Variants in EPHA7 observed in about 807,000 individuals in gnomAD.
EPHA7 encodes ephrin type-A receptor 7.
A neutral mutation model predicts 112.6 loss-of-function variants in EPHA7; 25 were observed. That is an observed-to-expected ratio of 0.22 (90% CI 0.16 to 0.31). The LOEUF is 0.31. EPHA7 is among the 10% of genes least tolerant of loss of function. The pLI is 1.00. For missense variants in EPHA7, 962 were observed against 1,212.6 expected (o/e 0.79, Z 3.07); for synonymous variants, 437 against 406.5 (o/e 1.07, Z -0.90).
At chr6:93,267,278 G>A (rs1356823922) in intron 7 of EPHA7, among the ~76,000 whole-genome samples, 1 of 151,706 alleles carries the variant, frequency 6.6e-6, no homozygotes, top group East Asian at 1.9e-4. Flanking sequence ...GACTTTCCAT[G>A]ATAGGGGCTC....
chr6:93,372,984 C>G (rs183400772), intron 3 of EPHA7, among the ~76,000 whole-genome samples: 3 of 152,052 alleles, frequency 2.0e-5, no homozygotes, highest in African/African-American at 7.2e-5. Flanking sequence ...GTACTTCCTT[C>G]TGAATTATGG....
At chr6:93,268,558 G>C (rs1771058607) in intron 7 of EPHA7, among the ~76,000 whole-genome samples, 1 of 151,702 alleles carries the variant, frequency 6.6e-6, no homozygotes, top group Non-Finnish European at 1.5e-5. Flanking sequence ...GCAAGGAGAA[G>C]AGATAACACC....
intron 3 of EPHA7, among the ~76,000 whole-genome samples, chr6:93,406,679 G>C (rs183218047): frequency 3.2e-4 from 49 of 151,974 alleles, no homozygotes; most frequent in African/African-American, 1.2e-3. Flanking sequence ...GAATGTGACT[G>C]TTCAGTATAA....
At chr6:93,354,474 T>C (rs904025493) in intron 5 of EPHA7, among the ~76,000 whole-genome samples, 2 of 151,910 alleles carry the variant, frequency 1.3e-5, no homozygotes, top group Non-Finnish European at 2.9e-5. Context: ...TAGGTATTCT[T>C]TTTATCATTT....
At position 93,410,392 on chromosome 6, in the gene EPHA7, C is replaced by A; in HGVS notation, c.832+109G>T. On this transcript the variant is annotated intron_variant, in intron 3 of 16. Transcript: ENST00000369303. The surrounding 1 kb of genome is among the most constrained non-coding windows in gnomAD (Gnocchi z 4.0). ...TTTGTTTAAGATCTACTGAATTGCGCTTCTGGTACAGAGCAGATTCACGTA... is the reference window on the plus strand; with the variant it reads ...TTTGTTTAAGATCTACTGAATTGCGATTCTGGTACAGAGCAGATTCACGTA... 9.7e-7 allele frequency: 1 copy of A among 1,029,290 alleles called. No homozygotes were observed. Among genetic ancestry groups the A allele is most frequent in the Non-Finnish European group, 1.4e-6 (1 of 703,000 alleles). The allele number at this position is 1,029,290 out of a possible 1,614,324, so 63.8% of individuals were successfully genotyped here.
intron 3 of EPHA7, among the ~76,000 whole-genome samples, chr6:93,400,083 C>G (rs1022700854): frequency 1.5e-4 from 22 of 151,688 alleles, no homozygotes; most frequent in African/African-American, 5.3e-4. Flanking sequence ...CATCTCTCTT[C>G]GAGGATAAAA....
At chr6:93,311,686 C>T (rs1013415575) in intron 5 of EPHA7, among the ~76,000 whole-genome samples, 1 of 152,126 alleles carries the variant, frequency 6.6e-6, no homozygotes. Flanking sequence ...TCATGAACGT[C>T]CTTAATGGCA....
intron 5 of EPHA7, among the ~76,000 whole-genome samples, chr6:93,334,600 C>T (rs1774765116): frequency 6.6e-6 from 1 of 152,012 alleles, no homozygotes; most frequent in Admixed American, 6.6e-5. Flanking sequence ...AAAACACTTT[C>T]CAACTACTAG....
intron 5 of EPHA7, among the ~76,000 whole-genome samples, chr6:93,309,587 A>G (rs1773427792): frequency 6.6e-6 from 1 of 152,134 alleles, no homozygotes; most frequent in Non-Finnish European, 1.5e-5. Flanking sequence ...TCTTTATTAC[A>G]TATGCTATTG....
rs1309944126 is a variant in EPHA7 at position 93,246,882 on chromosome 6, T to G, written c.2636A>C (p.Glu879Ala). The G allele has an allele frequency of 6.2e-7, 1 of 1,614,012 alleles. No homozygotes were observed. Among genetic ancestry groups the G allele is most frequent in the Non-Finnish European group, 8.5e-7 (1 of 1,179,870 alleles). ...MLDCWQKERAERPKFEQIVGI... is the reference protein window; with the variant it reads ...MLDCWQKERAARPKFEQIVGI... ...AACTATCTGTTCAAATTTTGGCCTT[T>G]CAGCACGCTCCTTTTGCCAACAATC... The change falls in exon 15 of 17, where the codon GAA (glutamate) becomes GCA (alanine). Residue 879 changes from glutamate to alanine, a missense_variant. Coordinates refer to ENST00000369303, the MANE Select transcript of EPHA7 (RefSeq NM_004440.4).
chr6:93,271,647 G>T (rs1025141187), intron 6 of EPHA7, among the ~76,000 whole-genome samples: 1 of 151,748 alleles, frequency 6.6e-6, no homozygotes, highest in African/African-American at 2.4e-5. Flanking sequence ...TGTATCGCTA[G>T]TTACTAAAAT....
chr6:93,370,930 G>A (rs1776758232), intron 3 of EPHA7, among the ~76,000 whole-genome samples: 1 of 151,468 alleles, frequency 6.6e-6, no homozygotes, highest in African/African-American at 2.4e-5. Flanking sequence ...TGGATCACGA[G>A]GTCAGGAGAT....
chr6:93,374,666 C>T (rs760893234), intron 3 of EPHA7, among the ~76,000 whole-genome samples: 30 of 152,166 alleles, frequency 2.0e-4, no homozygotes, highest in Non-Finnish European at 4.4e-5. Flanking sequence ...ACTAGTCGCT[C>T]AGACTGCTGG....
chr6:93,388,045 T>C (rs1006646637), intron 3 of EPHA7, among the ~76,000 whole-genome samples: 1 of 152,054 alleles, frequency 6.6e-6, no homozygotes, highest in Non-Finnish European at 1.5e-5. Flanking sequence ...GAGGAAAATA[T>C]AAAGAACATA....
intron 5 of EPHA7, among the ~76,000 whole-genome samples, chr6:93,324,308 C>T (rs762693932): frequency 2.1e-4 from 32 of 151,332 alleles, no homozygotes; most frequent in Admixed American, 5.9e-4. Context: ...TCTGATTATA[C>T]AAGAGTGGCA....
At chr6:93,354,777 G>A (rs1283498851) in intron 5 of EPHA7, among the ~76,000 whole-genome samples, 1 of 151,964 alleles carries the variant, frequency 6.6e-6, no homozygotes, top group Non-Finnish European at 1.5e-5. Flanking sequence ...AGCCTGTATA[G>A]TATTAACTTG....
At chr6:93,300,228 G>T (rs1254235010) in intron 5 of EPHA7, among the ~76,000 whole-genome samples, 1 of 152,106 alleles carries the variant, frequency 6.6e-6, no homozygotes, top group African/African-American at 2.4e-5. Flanking sequence ...TAAAATAATA[G>T]TACTACAATC....
intron 1 of EPHA7, among the ~76,000 whole-genome samples, chr6:93,417,433 C>T (rs946775347): frequency 6.6e-6 from 1 of 152,204 alleles, no homozygotes; most frequent in Non-Finnish European, 1.5e-5. Context: ...CCTCCCATCA[C>T]CCCCGCGCCT....
intron 5 of EPHA7, among the ~76,000 whole-genome samples, chr6:93,346,778 T>C (rs1243119264): frequency 3.3e-5 from 5 of 151,814 alleles, no homozygotes; most frequent in Non-Finnish European, 7.4e-5. Context: ...ATTTTCTATA[T>C]ATCACTTGAA....
Sources: allele counts gnomAD v4.1 joint callset (sites outside exome capture counted in the v4.1 genomes callset), GRCh38; gene constraint gnomAD v4.1.1; non-coding constraint Gnocchi (gnomAD v3.1); transcripts MANE v1.5; gene names NCBI Gene and HGNC (gene_info 2026-07-23, HGNC 2026-07-21).